The following GFM1 variants were observed in gnomAD, a reference collection of about 807,000 sequenced individuals.
The protein encoded by GFM1 is G elongation factor mitochondrial 1.
Under a neutral mutation model 96.2 loss-of-function variants are expected in GFM1, and 62 were observed. The ratio of observed to expected loss-of-function variants is 0.64; its 90% CI spans 0.53 to 0.80. The LOEUF is 0.80. Ranked by LOEUF, GFM1 falls within the 30% of genes least tolerant of loss-of-function variation. The pLI, the probability that GFM1 is intolerant of heterozygous loss-of-function variation, is 0.00. For missense variants in GFM1, 852 were observed against 916.6 expected, an observed-to-expected ratio of 0.93 and a Z score of 0.91; for synonymous variants, 282 against 312.9, an observed-to-expected ratio of 0.90 and a Z score of 1.04.
intron 13 of GFM1, among the ~76,000 whole-genome samples, chr3:158,673,235 A>G (rs936410681): frequency 2.0e-5 from 3 of 152,232 alleles, no homozygotes; most frequent in Admixed American, 6.5e-5. Context: ...TCTTAAAATG[A>G]TAAGTTTTGA....
intron 7 of GFM1, among the ~76,000 whole-genome samples, chr3:158,654,204 CCTTT>C (rs966163166): frequency 5.0e-5 from 6 of 121,016 alleles, no homozygotes; most frequent in African/African-American, 1.8e-4. Context: ...GCTCTAAAGA[CCTTT>C]TTTTTTTTTT....
At chr3:158,664,077 C>T (rs1723412468) in intron 11 of GFM1, among the ~76,000 whole-genome samples, 1 of 152,190 alleles carries the variant, frequency 6.6e-6, no homozygotes, top group African/African-American at 2.4e-5. Flanking sequence ...CATTTCCTCA[C>T]CTGTAAAATG....
intron 8 of GFM1, among the ~76,000 whole-genome samples, chr3:158,654,940 T>A (rs1029217250): frequency 2.0e-5 from 3 of 152,224 alleles, no homozygotes; most frequent in Non-Finnish European, 4.4e-5. Flanking sequence ...ATAAATAGTT[T>A]AAGCATTTTA....
At chr3:158,669,364 A>T in intron 13 of GFM1, 1 of 1,448,152 alleles carries the variant, frequency 6.9e-7, no homozygotes. Flanking sequence ...TAACAATTTT[A>T]AGCACAGATA....
At chr3:158,689,901 G>A (rs963282524) in intron 15 of GFM1, among the ~76,000 whole-genome samples, 1 of 152,082 alleles carries the variant, frequency 6.6e-6, no homozygotes, top group Non-Finnish European at 1.5e-5. Flanking sequence ...AGACCCTTTT[G>A]TATTATTCTC....
In GFM1 at chr3:158,684,597, A is replaced by T. The variant is rs993781608; in HGVS notation, c.1838A>T (p.Asp613Val). ...TCTGGGCTCCGGTTTGTCCTGCAAG[A>T]TGGAGCACACCACATGGTTGATTCT... ...KLSGLRFVLQDGAHHMVDSNE... is the reference protein window; with the variant it reads ...KLSGLRFVLQVGAHHMVDSNE... Residue 613 changes from aspartate (D) to valine (V), a missense_variant, in exon 15 of 18, where the codon GAT becomes GTT. Physicochemically the swap from Asp to Val is radical, Grantham distance 152 (BLOSUM62 -3). Transcript: ENST00000486715. 4 of 1,614,102 alleles carry T rather than the reference A, an allele frequency of 2.5e-6. No homozygotes were observed. The highest frequency in any genetic ancestry group is 3.3e-5 in the Admixed American group (2 of 59,992).
chr3:158,653,407 T>A lies in GFM1; in HGVS notation c.938T>A (p.Val313Asp). 6.2e-7 allele frequency: 1 copy of A among 1,612,566 alleles called. No homozygotes were observed. Among genetic ancestry groups the A allele is most frequent in the Non-Finnish European group, 8.5e-7 (1 of 1,178,704 alleles). Reference sequence around the variant, plus strand: ...GGAGTTCAGCCTCTTTTAGATGCTGTTTTAGAATACCTCCCAAATCCATCT... The same window carrying A: ...GGAGTTCAGCCTCTTTTAGATGCTGATTTAGAATACCTCCCAAATCCATCT... ...NKGVQPLLDA[V>D]LEYLPNPSEV... Residue 313 changes from valine to aspartate, a missense_variant, in exon 7 of 18, where the codon GTT becomes GAT. Physicochemically the swap from Val to Asp is radical, Grantham distance 152. Transcript: ENST00000486715.
chr3:158,686,480 G>T (rs1264629641), intron 15 of GFM1, among the ~76,000 whole-genome samples: 1 of 149,650 alleles, frequency 6.7e-6, no homozygotes, highest in Non-Finnish European at 1.5e-5. Flanking sequence ...GGGTGAGTCA[G>T]GTTTGGAGCT....
chr3:158,669,523 C>T (rs760269136), intron 13 of GFM1: 1 of 1,613,954 alleles, frequency 6.2e-7, no homozygotes, highest in South Asian at 1.1e-5. Flanking sequence ...TTTCCAGTTT[C>T]TCCTTCAAAT....
intron 8 of GFM1, among the ~76,000 whole-genome samples, chr3:158,654,861 C>G (rs192666412): frequency 5.3e-4 from 80 of 152,298 alleles, no homozygotes; most frequent in Admixed American, 2.0e-3. Context: ...TTACCTAAAT[C>G]ATACTACCTG....
At position 158,646,801 on chromosome 3, in the gene GFM1, C is replaced by T. The variant is rs1313735825; in HGVS notation, c.426C>T (p.Val142=). ...ERALRVLDGA[V]LVLCAVGGVQ... is the part of the protein sequence containing the mutation. The stretch of plus-strand genomic sequence containing the variant: ...CCCTGAGAGTGTTGGATGGTGCAGT[C>T]CTTGTTCTCTGTGCTGTTGGAGGGG... The change falls in exon 4 of 18, where the codon GTC becomes GTT. Residue 142 remains valine (V), a synonymous_variant. Transcript: ENST00000486715. The T allele has an allele frequency of 1.9e-6, 3 of 1,614,034 alleles. No homozygotes were observed. The highest frequency in any genetic ancestry group is 2.5e-6 in the Non-Finnish European group (3 of 1,180,024).
In GFM1 at chr3:158,691,724, T is replaced by G; in HGVS notation, c.*257T>G. On this transcript the variant is annotated 3_prime_UTR_variant, in exon 18 of 18. Coordinates refer to ENST00000486715, the MANE Select transcript of GFM1 (RefSeq NM_024996.7). ...AAATCCTCAAATAAAATATAATTAT[T>G]ACTGAAATATGTTTAATATTTAAGG... The G allele has an allele frequency of 3.0e-6, 1 of 338,598 alleles. No individual in the cohort carries two copies. The highest frequency in any genetic ancestry group is 5.5e-6 in the Non-Finnish European group (1 of 180,866). 21.0% of individuals were successfully genotyped at this position (338,598 alleles called of 1,614,324 possible).
rs34058260 is a variant in GFM1 at position 158,666,674 on chromosome 3, C to T, written c.1601+288C>T. 5.5e-3 allele frequency: 8,931 copies of T among 1,613,828 alleles called. 47 individuals are homozygous for T. The highest frequency in any genetic ancestry group is 0.011 in the Middle Eastern group (66 of 6,058). The stretch of plus-strand genomic sequence containing the variant: ...TTCCAGTTGTACTTCCTTTGGCAGA[C>T]GGCTATTATGTTTTACTTTAGTGCC... On this transcript the variant is annotated intron_variant, in intron 13 of 17. Coordinates refer to ENST00000486715, the MANE Select transcript of GFM1 (RefSeq NM_024996.7).
At chr3:158,669,400 C>G (rs764398166) in intron 13 of GFM1, 3 of 1,572,122 alleles carry the variant, frequency 1.9e-6, no homozygotes, top group Non-Finnish European at 8.6e-7. Flanking sequence ...AAGTTTGAAT[C>G]AAACAAATGG....
chr3:158,668,345 A>G (rs2108059193), intron 13 of GFM1, among the ~76,000 whole-genome samples: 1 of 152,310 alleles, frequency 6.6e-6, no homozygotes, highest in East Asian at 1.9e-4. Flanking sequence ...CGAGAAAAAA[A>G]TCTGTGCATG....
At position 158,675,570 on chromosome 3, in the gene GFM1, A is replaced by G. The variant is rs530761323; in HGVS notation, c.1602-6425A>G. On this transcript the variant is annotated intron_variant, in intron 13 of 17. Coordinates refer to ENST00000486715, the MANE Select transcript of GFM1 (RefSeq NM_024996.7). ...TAAACTTTCTAAATTTTATATATTG[A>G]TCAAATGGGCCAAACAAGTTACTGA... 2.1e-4 allele frequency among the ~76,000 whole-genome samples: 32 copies of G among 152,200 alleles called. No individual in the cohort carries two copies. The South Asian group carries it at 6.4e-3, about 31-fold the overall frequency.
rs951241310 is a variant in GFM1 at position 158,673,429 on chromosome 3, C to G, written c.1601+7043C>G. Among the ~76,000 whole-genome samples, 11 of 151,676 alleles carry G rather than the reference C, an allele frequency of 7.3e-5. No individual in the cohort carries two copies. The South Asian group carries it at 1.2e-3, about 17-fold the overall frequency. Reference sequence around the variant, plus strand: ...CCTTGGTGGTCTTAGGTTAATTGGGCTAGGATAACTTGGAGATTCTACCAA... The same window carrying G: ...CCTTGGTGGTCTTAGGTTAATTGGGGTAGGATAACTTGGAGATTCTACCAA... On this transcript the variant is annotated intron_variant, in intron 13 of 17. Transcript: ENST00000486715.
chr3:158,656,228 G>A (rs4680450), intron 8 of GFM1: 114,309 of 200,190 alleles, frequency 0.57, 33,836 homozygotes, highest in African/African-American at 0.73. Context: ...ATCTCGGCTC[G>A]CTGCAGCCTC....
intron 13 of GFM1, among the ~76,000 whole-genome samples, chr3:158,671,440 G>T (rs1169569959): frequency 6.6e-6 from 1 of 152,138 alleles, no homozygotes; most frequent in African/African-American, 2.4e-5. Flanking sequence ...TCATTTTGAG[G>T]CAGATTACTG....
Sources: allele counts gnomAD v4.1 joint callset (sites outside exome capture counted in the v4.1 genomes callset), GRCh38; gene constraint gnomAD v4.1.1; transcripts MANE v1.5; gene names NCBI Gene and HGNC (gene_info 2026-07-23, HGNC 2026-07-21).